NADK: variants seen among roughly 807,000 people sequenced by gnomAD.
The protein encoded by NADK is NAD kinase.
In NADK, 22 loss-of-function variants were observed where a neutral mutation model predicts 49.8. The observed-to-expected ratio is 0.44, with a 90% CI of 0.32 to 0.63. NADK has a LOEUF of 0.63. NADK is among the 30% of genes least tolerant of loss of function. The pLI is 0.06. For synonymous variants in NADK, 268 were observed against 253.7 expected, an observed-to-expected ratio of 1.06 and a Z score of -0.54; for missense variants, 438 against 609.4, an observed-to-expected ratio of 0.72 and a Z score of 2.96.
In NADK at chr1:1,758,259, C is replaced by T. The variant is rs1399390767; in HGVS notation, c.264-949G>A. The T allele has an allele frequency of 1.4e-5, 19 of 1,322,048 alleles. No individual in the cohort carries two copies. In the East Asian group the frequency reaches 3.2e-4, roughly 22 times the overall value. The allele number at this position is 1,322,048 out of a possible 1,614,324, so 81.9% of individuals were successfully genotyped here. A position where few individuals can be genotyped will look rare whatever the true frequency, so the allele number is the denominator to read the frequency against. ...GCAGTGACTTCCCCAGGAGTGTGAC[C>T]GTCCCACTAACACCCCCAGAACCAC... On this transcript the variant is annotated intron_variant, in intron 3 of 11. Transcript: ENST00000341426.
chr1:1,753,973 G>T, intron 10 of NADK, 78 bp downstream of exon 10: 1 of 1,481,012 alleles, frequency 6.8e-7, no homozygotes, highest in Non-Finnish European at 9.0e-7. Context: ...ATGGCAGAGC[G>T]GGGTGCTAGG....
chr1:1,753,206 G>A, intron 11 of NADK, 146 bp from the exon 12 acceptor site: 2 of 992,544 alleles, frequency 2.0e-6, no homozygotes, highest in Non-Finnish European at 2.9e-6. Context: ...GGCTTGAGCA[G>A]TGCCCCATGG....
intron 2 of NADK, 119 bp from the exon 3 acceptor site, chr1:1,762,154 C>A: frequency 1.2e-6 from 1 of 804,878 alleles, no homozygotes; most frequent in Non-Finnish European, 2.0e-6. Flanking sequence ...GATGCCAACT[C>A]CATCTGCCCA....
chr1:1,758,104 G>A (rs1645588304), intron 3 of NADK, among the ~76,000 whole-genome samples: 1 of 152,196 alleles, frequency 6.6e-6, no homozygotes, highest in South Asian at 2.1e-4. Context: ...GGCGCAGCGG[G>A]GCTGGCCACC....
chr1:1,764,529 A>AG (rs1247953337), intron 2 of NADK, among the ~76,000 whole-genome samples: 3 of 152,236 alleles, frequency 2.0e-5, no homozygotes, highest in Non-Finnish European at 2.9e-5. Context: ...CTCACAGTGC[A>AG]GAACCCCCCA....
intron 10 of NADK, 81 bp from the exon 11 acceptor site, chr1:1,753,730 G>T: frequency 7.7e-7 from 1 of 1,292,066 alleles, no homozygotes; most frequent in South Asian, 1.3e-5. Context: ...GTGCTCGCCA[G>T]AGGTCGAAGG....
intron 1 of NADK, among the ~76,000 whole-genome samples, chr1:1,770,791 G>A (rs1408268879): frequency 1.3e-5 from 2 of 152,076 alleles, no homozygotes; most frequent in African/African-American, 4.8e-5. Context: ...GCTCACGCCT[G>A]TAATCCCAAC....
At chr1:1,765,160 T>C in intron 2 of NADK, 68 bp downstream of exon 2, 1 of 1,429,104 alleles carries the variant, frequency 7.0e-7, no homozygotes, top group Non-Finnish European at 9.4e-7. Flanking sequence ...TTCTTCATAA[T>C]CGTTTTAAGA....
At chr1:1,759,690 GC>G (rs1645653299) in intron 3 of NADK, 1 of 1,538,880 alleles carries the variant, frequency 6.5e-7, no homozygotes. Flanking sequence ...CCATGGGGGT[GC>G]CGAGAAAGCT....
intron 4 of NADK, 35 bp downstream of exon 4, chr1:1,757,146 G>GCCCCCCCCGCCCCCC: frequency 6.6e-7 from 1 of 1,524,052 alleles, no homozygotes; most frequent in Non-Finnish European, 8.9e-7. Flanking sequence ...AACTCCATGT[G>GCCCCCCCCGCCCCCC]CACCCCAGGC....
chr1:1,761,238 C>G (rs1430069637), intron 3 of NADK, among the ~76,000 whole-genome samples: 2 of 152,130 alleles, frequency 1.3e-5, no homozygotes, highest in East Asian at 1.9e-4. Context: ...TGATCCGCCC[C>G]CCTTGGCCTC....
intron 1 of NADK, among the ~76,000 whole-genome samples, chr1:1,766,409 TCAAAAAAAAAAAA>T (rs1278542399): frequency 1.4e-4 from 2 of 14,226 alleles, no homozygotes; most frequent in African/African-American, 6.0e-4. Context: ...AAACTCCGTC[TCAAAAAAAAAAAA>T]AAAAAAAAAA....
chr1:1,753,691 G>A, intron 10 of NADK, 42 bp from the exon 11 acceptor site: 1 of 1,543,672 alleles, frequency 6.5e-7, no homozygotes, highest in South Asian at 1.2e-5. Flanking sequence ...CCAGCTGTGG[G>A]GAGGACGCTT....
chr1:1,773,126 T>C (rs879713113), intron 1 of NADK, among the ~76,000 whole-genome samples: 1 of 151,738 alleles, frequency 6.6e-6, no homozygotes, highest in Non-Finnish European at 1.5e-5. Flanking sequence ...CAACTTCCTA[T>C]GAATTAGTCT....
chr1:1,763,417 G>A (rs1016254492), intron 2 of NADK, among the ~76,000 whole-genome samples: 3 of 152,030 alleles, frequency 2.0e-5, no homozygotes, highest in African/African-American at 4.8e-5. Flanking sequence ...TCAGGTGTTC[G>A]AGACCAGCCT....
At chr1:1,756,873 G>A (rs566094257) in intron 4 of NADK, 5 of 804,136 alleles carry the variant, frequency 6.2e-6, no homozygotes, top group East Asian at 4.8e-5. Flanking sequence ...CAACCCCCAC[G>A]CCTGCTCTTC....
At chr1:1,771,606 T>C (rs1646053805) in intron 1 of NADK, among the ~76,000 whole-genome samples, 2 of 152,158 alleles carry the variant, frequency 1.3e-5, no homozygotes, top group South Asian at 2.1e-4. Flanking sequence ...CCATGAATTT[T>C]TGACAGGTGC....
At chr1:1,756,699 C>A in intron 4 of NADK, 91 bp from the exon 5 acceptor site, 2 of 1,597,588 alleles carry the variant, frequency 1.3e-6, no homozygotes, top group South Asian at 1.1e-5. Context: ...TGGTCAGAGA[C>A]CTGGCATCGT....
chr1:1,756,945 G>T, intron 4 of NADK: 1 of 826,400 alleles, frequency 1.2e-6, no homozygotes, highest in South Asian at 1.4e-5. Context: ...CGGACTTCCC[G>T]GCCTCCAGGG....
Sources: gnomAD v4.1 joint callset for allele counts (sites outside exome capture counted in the v4.1 genomes callset) on GRCh38, gnomAD v4.1.1 for gene constraint, MANE v1.5 for transcripts, NCBI Gene and HGNC (gene_info 2026-07-23, HGNC 2026-07-21) for gene names.